The following PCSK6 variants were observed in gnomAD, a reference collection of about 807,000 sequenced individuals.
PCSK6 encodes proprotein convertase subtilisin/kexin type 6, also known as paired basic amino acid cleaving enzyme 4.
In PCSK6, 85 loss-of-function variants were observed where a neutral mutation model predicts 123.3. The ratio of observed to expected loss-of-function variants is 0.69; its 90% confidence interval spans 0.58 to 0.83. The LOEUF (loss-of-function observed/expected upper bound fraction) is 0.83. Ranked by LOEUF, PCSK6 falls within the 40% of genes least tolerant of loss-of-function variation. PCSK6 has a pLI of 0.00. For missense variants in PCSK6, 1,191 were observed against 1,282.3 expected (o/e 0.93, Z 1.09); for synonymous variants, 508 against 516.0 (o/e 0.98, Z 0.21).
rs561054388 is a variant in PCSK6, at chr15:101,488,653, G to T, written c.297+721C>A. On this transcript the variant is annotated intron_variant, in intron 1 of 21. Transcript: ENST00000611716. ...GGAGCGACTTGCCAAAGGTCACACC[G>T]CTCGGCCATCAGAACCGCGGCAGAA... 2.0e-5 allele frequency among the ~76,000 whole-genome samples: 3 copies of T among 152,234 alleles called. No individual in the cohort carries two copies. In the East Asian group the frequency reaches 5.8e-4, roughly 30 times the overall value.
At chr15:101,346,966 C>T (rs2040748432) in intron 13 of PCSK6, 1 of 1,231,454 alleles carries the variant, frequency 8.1e-7, no homozygotes, top group Non-Finnish European at 1.0e-6. Context: ...GTCACGGCCC[C>T]GTGAAAGAGA....
chr15:101,488,321 G>C (rs2058068559), intron 1 of PCSK6, among the ~76,000 whole-genome samples: 1 of 152,164 alleles, frequency 6.6e-6, no homozygotes, highest in African/African-American at 2.4e-5. Flanking sequence ...CAAAATAACG[G>C]CCTCTCCAGG....
Position 101,326,542 on chromosome 15 carries a change from C to A in PCSK6, c.2078-63G>T, listed in dbSNP as rs117277555. ...GCCTTCTCCATCTACTGCAGTCCCG[C>A]GGATCCCTGTGTCAGGATATCGCAG... On this transcript the variant is annotated intron_variant, in intron 15 of 21. Coordinates refer to ENST00000611716, the MANE Select transcript of PCSK6 (RefSeq NM_002570.5). The A allele has an allele frequency of 5.5e-3, 7,902 of 1,427,054 alleles. 34 individuals carry two copies. Among genetic ancestry groups the A allele is most frequent in the Non-Finnish European group, 6.9e-3 (7,178 of 1,037,696 alleles). 88.4% of individuals were successfully genotyped at this position (1,427,054 alleles called of 1,614,324 possible).
intron 13 of PCSK6, chr15:101,365,827 T>C (rs747212542): frequency 1.2e-4 from 21 of 169,682 alleles, no homozygotes; most frequent in Non-Finnish European, 2.0e-4. Flanking sequence ...TGTTGTATTA[T>C]TTCATCTATA....
intron 11 of PCSK6, among the ~76,000 whole-genome samples, chr15:101,374,658 T>C (rs1159046635): frequency 6.6e-6 from 1 of 152,198 alleles, no homozygotes. Context: ...TGAGGCCCAT[T>C]ACAGCAGAAG....
rs1054822280 is a variant in PCSK6 at position 101,424,108 on chromosome 15, A to G, written c.823+3784T>C. Among the ~76,000 whole-genome samples, 10 of 151,288 alleles carry G rather than the reference A, an allele frequency of 6.6e-5. No individual in the cohort carries two copies. In the East Asian group the frequency reaches 1.9e-3, roughly 29 times the overall value. The stretch of plus-strand genomic sequence containing the variant: ...TAATTAGCTGGGAAAGGTTGTGTTC[A>G]CCTGCAGTCCCAGATACTTGGGAGG... On this transcript the variant is annotated intron_variant, in intron 6 of 21. Transcript: ENST00000611716.
rs566688366 is a variant in PCSK6, at chr15:101,397,903, A to C, written c.996+501T>G. Among the ~76,000 whole-genome samples the C allele has an allele frequency of 6.9e-3, 1,057 of 152,338 alleles. 13 individuals are homozygous for C. The highest frequency in any genetic ancestry group is 0.024 in the African/African-American group (1,002 of 41,574). Reference sequence around the variant, plus strand: ...TTGTGAGGTTCCCCTGGAGAAGTTCAAAGTGGGCTGGGCTGTGCGCTGGTG... The same window carrying C: ...TTGTGAGGTTCCCCTGGAGAAGTTCCAAGTGGGCTGGGCTGTGCGCTGGTG... On this transcript the variant is annotated intron_variant, in intron 7 of 21. Coordinates refer to ENST00000611716, the MANE Select transcript of PCSK6 (RefSeq NM_002570.5).
At chr15:101,489,167 AC>A (rs1227299613) in intron 1 of PCSK6, among the ~76,000 whole-genome samples, 7 of 21,992 alleles carry the variant, frequency 3.2e-4, no homozygotes, top group Non-Finnish European at 1.1e-3. Context: ...AGTCCCCCCC[AC>A]CCCGCCGAGT....
chr15:101,452,933 T>C (rs1387285076), intron 1 of PCSK6, among the ~76,000 whole-genome samples: 3 of 152,226 alleles, frequency 2.0e-5, no homozygotes. Flanking sequence ...TTCTCTGCGC[T>C]GGGTCAGTTG....
chr15:101,471,824 G>T (rs1490509726), intron 1 of PCSK6, among the ~76,000 whole-genome samples: 2 of 152,080 alleles, frequency 1.3e-5, no homozygotes, highest in Non-Finnish European at 2.9e-5. Context: ...ATTTGGTTTT[G>T]CCAGTTCTAG....
At chr15:101,436,192 T>C (rs534557723) in intron 2 of PCSK6, among the ~76,000 whole-genome samples, 23 of 152,214 alleles carry the variant, frequency 1.5e-4, no homozygotes, top group African/African-American at 4.6e-4. Context: ...CCCCTAGAAG[T>C]TCTTGGGAGC....
At chr15:101,417,434 A>G (rs552609756) in intron 6 of PCSK6, among the ~76,000 whole-genome samples, 1 of 152,354 alleles carries the variant, frequency 6.6e-6, no homozygotes, top group African/African-American at 2.4e-5. Context: ...AATATACAGA[A>G]CATTCTGTGA....
Position 101,458,328 on chromosome 15 carries a change from G to A in PCSK6, c.298-14668C>T, listed in dbSNP as rs142321248. ...GGTTTGAGTCTCTGCAGCAGACAGC[G>A]CACATGTTGAAAGGGGTTTCCGCAA... is the stretch of plus-strand genomic sequence containing the variant. On this transcript the variant is annotated intron_variant, in intron 1 of 21. Transcript: ENST00000611716. 5.0e-3 allele frequency among the ~76,000 whole-genome samples: 761 copies of A among 152,244 alleles called. 13 individuals carry two copies. The highest frequency in any genetic ancestry group is 0.017 in the African/African-American group (711 of 41,532).
intron 6 of PCSK6, among the ~76,000 whole-genome samples, chr15:101,400,519 A>C (rs1456209703): frequency 1.3e-5 from 2 of 152,226 alleles, no homozygotes; most frequent in Non-Finnish European, 2.9e-5. Context: ...AAAATAGTGA[A>C]GTTTTCCCTG....
intron 1 of PCSK6, among the ~76,000 whole-genome samples, chr15:101,472,797 A>G (rs553704638): frequency 6.6e-5 from 10 of 152,388 alleles, no homozygotes; most frequent in African/African-American, 2.2e-4. Flanking sequence ...AGGATTTTCT[A>G]TAGTTCTCTG....
In PCSK6 at chr15:101,305,460, C is replaced by A. The variant is rs897483910; in HGVS notation, c.2813-105G>T. Reference sequence around the variant, plus strand: ...CGGTGCCTCATGCCTGTAATCCCAGCACTTTGGGAGGCCGAGGTGGGTGGA... The same window carrying A: ...CGGTGCCTCATGCCTGTAATCCCAGAACTTTGGGAGGCCGAGGTGGGTGGA... On this transcript the variant is annotated intron_variant, in intron 21 of 21. Coordinates refer to ENST00000611716, the MANE Select transcript of PCSK6 (RefSeq NM_002570.5). The surrounding 1 kb of genome is among the most constrained non-coding windows in gnomAD (Gnocchi z 4.8). 5 of 915,644 alleles carry A rather than the reference C, an allele frequency of 5.5e-6. No individual in the cohort carries two copies. Among genetic ancestry groups the A allele is most frequent in the Non-Finnish European group, 8.5e-6 (5 of 585,602 alleles). 56.7% of individuals were successfully genotyped at this position (915,644 alleles called of 1,614,324 possible). A position where few individuals can be genotyped will look rare whatever the true frequency, so the allele number is the denominator to read the frequency against.
chr15:101,485,582 G>C (rs546188657), intron 1 of PCSK6, among the ~76,000 whole-genome samples: 2 of 152,254 alleles, frequency 1.3e-5, no homozygotes, highest in African/African-American at 4.8e-5. Context: ...GTAATGTGAG[G>C]ATCTAATTGT....
chr15:101,406,065 G>A (rs774203957), intron 6 of PCSK6, among the ~76,000 whole-genome samples: 2 of 152,090 alleles, frequency 1.3e-5, no homozygotes, highest in African/African-American at 4.8e-5. Context: ...TTTATATCTC[G>A]ACTTTCCAAA....
Position 101,332,031 on chromosome 15 carries a change from C to T in PCSK6, c.1859G>A (p.Gly620Glu). The change falls in exon 14 of 22, where the codon GGG becomes GAG. Residue 620 changes from glycine (G) to glutamate (E), a missense_variant and splice_region_variant. By Grantham distance (98) the Gly-to-Glu change is moderately conservative. Around this residue, in one of 3 missense-constraint regions of PCSK6, gnomAD observed 630 missense variants for 631.4 expected, o/e 1.00. Coordinates refer to ENST00000611716, the MANE Select transcript of PCSK6 (RefSeq NM_002570.5). ...TATGAGGCTCCATTCTTTCAACTTC[C>T]CTGGAAGGCACCAAACCCACAGAGT... ...PSQVRNPEKQ[G>E]KLKEWSLILY... 4 of 1,587,652 alleles carry T rather than the reference C, an allele frequency of 2.5e-6. No individual in the cohort carries two copies. Among genetic ancestry groups the T allele is most frequent in the Non-Finnish European group, 3.4e-6 (4 of 1,162,556 alleles).
Sources: gnomAD v4.1 joint callset for allele counts (sites outside exome capture counted in the v4.1 genomes callset) on GRCh38, gnomAD v4.1.1 for gene constraint, gnomAD v4.1.1 regional missense constraint, Gnocchi (gnomAD v3.1) non-coding constraint, MANE v1.5 for transcripts, NCBI Gene and HGNC (gene_info 2026-07-23, HGNC 2026-07-21) for gene names.